ERBB4: variants seen among roughly 807,000 people sequenced by gnomAD.
The protein encoded by ERBB4 is receptor tyrosine-protein kinase erbB-4.
ERBB4 carries 42 observed loss-of-function variants against 158.0 expected under a neutral mutation model. The ratio of observed to expected loss-of-function variants is 0.27; its 90% CI spans 0.21 to 0.34. ERBB4 has a LOEUF of 0.34. Ranked by LOEUF, ERBB4 falls within the 10% of genes least tolerant of loss-of-function variation. ERBB4 has a pLI of 1.00. For missense variants in ERBB4, 1,333 were observed against 1,624.1 expected (o/e 0.82, Z 3.08); for synonymous variants, 583 against 558.7 (o/e 1.04, Z -0.61).
intron 4 of ERBB4, among the ~76,000 whole-genome samples, chr2:211,752,243 A>T (rs1051947634): frequency 6.6e-6 from 1 of 152,114 alleles, no homozygotes; most frequent in Non-Finnish European, 1.5e-5. Context: ...ATTAGAAAGG[A>T]CTGTGAGACA....
intron 1 of ERBB4, among the ~76,000 whole-genome samples, chr2:212,176,373 A>T (rs1469397161): frequency 5.3e-5 from 8 of 151,910 alleles, no homozygotes; most frequent in Admixed American, 5.3e-4. Flanking sequence ...AGATAGGATT[A>T]ATGTCCTTAC....
chr2:212,132,836 T>C (rs1237890649), intron 1 of ERBB4, among the ~76,000 whole-genome samples: 3 of 152,096 alleles, frequency 2.0e-5, no homozygotes, highest in African/African-American at 4.8e-5. Flanking sequence ...TGTATATATA[T>C]GCTATCTGTG....
intron 2 of ERBB4, among the ~76,000 whole-genome samples, chr2:211,966,822 G>C (rs1331595588): frequency 6.6e-6 from 1 of 152,010 alleles, no homozygotes; most frequent in Non-Finnish European, 1.5e-5. Flanking sequence ...AGAAAAGACA[G>C]ATCAAATGAA....
In ERBB4 at chr2:212,505,299, G is replaced by A. The variant is rs1331460476; in HGVS notation, c.82+33150C>T. Reference sequence around the variant, plus strand: ...TTTAGTAGAGACAGGGTTTCACTGTGTTGGCCAGGCTGGTCTCAAACTCCT... The same window carrying A: ...TTTAGTAGAGACAGGGTTTCACTGTATTGGCCAGGCTGGTCTCAAACTCCT... On this transcript the variant is annotated intron_variant, in intron 1 of 27. Transcript: ENST00000342788. Among the ~76,000 whole-genome samples, 9 of 152,134 alleles carry A rather than the reference G, an allele frequency of 5.9e-5. No homozygotes were observed. The East Asian group carries it at 1.2e-3, about 20-fold the overall frequency.
chr2:211,550,544 C>T (rs2067059982), intron 20 of ERBB4, among the ~76,000 whole-genome samples: 2 of 146,014 alleles, frequency 1.4e-5, no homozygotes, highest in South Asian at 2.2e-4. Context: ...GACTCATCAG[C>T]CTCCATAATC....
intron 3 of ERBB4, among the ~76,000 whole-genome samples, chr2:211,850,556 C>A (rs1488735299): frequency 6.6e-6 from 1 of 151,784 alleles, no homozygotes; most frequent in African/African-American, 2.4e-5. Context: ...GAAGCCAGAA[C>A]AGATGCCTAG....
intron 1 of ERBB4, among the ~76,000 whole-genome samples, chr2:212,156,314 C>A (rs1230434989): frequency 6.6e-6 from 1 of 151,924 alleles, no homozygotes; most frequent in African/African-American, 2.4e-5. Context: ...TCATGAATGA[C>A]TTATTGACCC....
Position 211,474,048 on chromosome 2 carries a change from GT to G in ERBB4, c.2488-42949del, listed in dbSNP as rs201575701. 4.3e-3 allele frequency among the ~76,000 whole-genome samples: 655 copies of G among 151,978 alleles called. 6 individuals carry two copies. The highest frequency in any genetic ancestry group is 0.015 in the African/African-American group (633 of 41,464). On this transcript the variant is annotated intron_variant, in intron 20 of 27. Transcript: ENST00000342788. ...AAAAGGGTGCAGCTGGCTTTCTCTTGTATATAAATGGCCAAAAACAAAAAAA... is the reference window on the plus strand; with the variant it reads ...AAAAGGGTGCAGCTGGCTTTCTCTTGATATAAATGGCCAAAAACAAAAAAA...
chr2:212,258,505 A>T (rs1399390050), intron 1 of ERBB4, among the ~76,000 whole-genome samples: 1 of 151,302 alleles, frequency 6.6e-6, no homozygotes, highest in Non-Finnish European at 1.5e-5. Flanking sequence ...TTACGCTAAA[A>T]TAATATGTTT....
chr2:211,743,587 T>G (rs910945919), intron 5 of ERBB4, among the ~76,000 whole-genome samples: 2 of 152,212 alleles, frequency 1.3e-5, no homozygotes, highest in South Asian at 4.1e-4. Context: ...CCTTAGTCTC[T>G]CTCATACCTA....
At chr2:212,279,468 A>T (rs548729501) in intron 1 of ERBB4, among the ~76,000 whole-genome samples, 1 of 151,654 alleles carries the variant, frequency 6.6e-6, no homozygotes, top group Admixed American at 6.6e-5. Flanking sequence ...ATCCTATCTT[A>T]ATTAAAGAAA....
At chr2:212,512,196 C>G (rs1186460827) in intron 1 of ERBB4, among the ~76,000 whole-genome samples, 1 of 152,148 alleles carries the variant, frequency 6.6e-6, no homozygotes, top group Admixed American at 6.6e-5. Flanking sequence ...GAAATACCCT[C>G]TAATAGTTTC....
At chr2:211,846,213 T>C (rs2077585517) in intron 3 of ERBB4, among the ~76,000 whole-genome samples, 1 of 152,120 alleles carries the variant, frequency 6.6e-6, no homozygotes, top group African/African-American at 2.4e-5. Flanking sequence ...AGGAAGAATA[T>C]TCAGATGCTT....
chr2:212,285,670 G>A (rs1316785808), intron 1 of ERBB4, among the ~76,000 whole-genome samples: 1 of 152,048 alleles, frequency 6.6e-6, no homozygotes, highest in Non-Finnish European at 1.5e-5. Context: ...CAGATATTCA[G>A]TTTGTTAAAA....
At chr2:212,273,673 G>A (rs1229294524) in intron 1 of ERBB4, among the ~76,000 whole-genome samples, 1 of 151,800 alleles carries the variant, frequency 6.6e-6, no homozygotes, top group Non-Finnish European at 1.5e-5. Context: ...TTTTGGATCT[G>A]TGTCAGAGGT....
At chr2:211,764,934 G>A (rs1238999983) in intron 4 of ERBB4, among the ~76,000 whole-genome samples, 1 of 152,134 alleles carries the variant, frequency 6.6e-6, no homozygotes, top group Non-Finnish European at 1.5e-5. Context: ...AAATCACTTA[G>A]GGAATGACTT....
At chr2:212,289,111 C>T (rs2086112089) in intron 1 of ERBB4, among the ~76,000 whole-genome samples, 2 of 152,174 alleles carry the variant, frequency 1.3e-5, no homozygotes, top group South Asian at 2.1e-4. Flanking sequence ...TAAGGCCAGC[C>T]GTGGCTACAT....
intron 1 of ERBB4, among the ~76,000 whole-genome samples, chr2:212,228,653 A>T (rs73062443): frequency 0.15 from 23,009 of 152,006 alleles, 2,260 homozygotes; most frequent in Non-Finnish European, 0.21. Flanking sequence ...AGATAAAAAA[A>T]ATATATAAAC....
At chr2:211,657,170 T>G (rs1348777939) in intron 16 of ERBB4, among the ~76,000 whole-genome samples, 5 of 151,916 alleles carry the variant, frequency 3.3e-5, no homozygotes, top group Non-Finnish European at 4.4e-5. Flanking sequence ...AATATTCTAT[T>G]AAAGGTATAT....
Sources: allele counts gnomAD v4.1 joint callset (sites outside exome capture counted in the v4.1 genomes callset), GRCh38; gene constraint gnomAD v4.1.1; transcripts MANE v1.5; gene names NCBI Gene and HGNC (gene_info 2026-07-23, HGNC 2026-07-21).